COMMD10: variants seen among roughly 807,000 people sequenced by gnomAD.
COMMD10 encodes the protein COMM domain-containing protein 10.
In COMMD10, 33 loss-of-function variants were observed where a neutral mutation model predicts 28.9. That is an observed-to-expected ratio of 1.14 (90% CI 0.87 to 1.53). The LOEUF (loss-of-function observed/expected upper bound fraction) is 1.53, where lower values mean the gene tolerates loss of function less well. COMMD10 is among the 40% of genes most tolerant of loss of function. The pLI is 0.00. For synonymous variants in COMMD10, 110 were observed against 81.7 expected (o/e 1.35, Z -1.87); for missense variants, 310 against 233.4 (o/e 1.33, Z -2.14).
At chr5:116,220,096 G>A (rs569002626) in intron 5 of COMMD10, among the ~76,000 whole-genome samples, 262 of 152,250 alleles carry the variant, frequency 1.7e-3, no homozygotes, top group Non-Finnish European at 2.9e-3. Context: ...AGCTTTCTAT[G>A]ATAGACAATT....
intron 4 of COMMD10, among the ~76,000 whole-genome samples, chr5:116,095,246 A>G (rs1295423407): frequency 2.0e-5 from 3 of 152,202 alleles, no homozygotes; most frequent in Admixed American, 6.5e-5. Flanking sequence ...TGACATGATC[A>G]TTACACAGTC....
chr5:116,262,602 A>G (rs991366654), intron 5 of COMMD10, among the ~76,000 whole-genome samples: 3 of 151,872 alleles, frequency 2.0e-5, no homozygotes, highest in Non-Finnish European at 4.4e-5. Flanking sequence ...AAGTCTACTC[A>G]TTATAAAAGT....
intron 5 of COMMD10, among the ~76,000 whole-genome samples, chr5:116,281,947 T>C (rs1168774236): frequency 2.0e-5 from 3 of 151,834 alleles, no homozygotes; most frequent in Non-Finnish European, 4.4e-5. Flanking sequence ...ATACCTTCTT[T>C]TCCTGGGCAA....
intron 4 of COMMD10, among the ~76,000 whole-genome samples, chr5:116,116,703 ATTTTTTTTTTT>A (rs70978604): frequency 1.6e-5 from 2 of 121,558 alleles, no homozygotes; most frequent in Non-Finnish European, 1.8e-5. Flanking sequence ...AAATGCAGAG[ATTTTTTTTTTT>A]TTTTTTTTTT....
intron 5 of COMMD10, among the ~76,000 whole-genome samples, chr5:116,250,127 A>G (rs1034315370): frequency 6.6e-6 from 1 of 151,910 alleles, no homozygotes; most frequent in South Asian, 2.1e-4. Flanking sequence ...TTTACTTTCA[A>G]ACATCTAGTT....
chr5:116,136,081 TAAAG>T (rs1400347868), intron 5 of COMMD10, among the ~76,000 whole-genome samples: 3 of 152,152 alleles, frequency 2.0e-5, no homozygotes, highest in Non-Finnish European at 2.9e-5. Flanking sequence ...TTGGCTAAAA[TAAAG>T]AAATCAATCC....
In COMMD10 at chr5:116,198,066, C is replaced by A. The variant is rs371326943; in HGVS notation, c.510+63888C>A. On this transcript the variant is annotated intron_variant, in intron 5 of 6. Transcript: ENST00000274458. ...TTTTTCTACATTTATACACACTTCA[C>A]ACATAATTTTTGTTTTTTTAAACCT... is the stretch of plus-strand genomic sequence containing the variant. Among the ~76,000 whole-genome samples the A allele has an allele frequency of 4.6e-5, 7 of 152,296 alleles. No individual in the cohort carries two copies. The East Asian group carries it at 1.2e-3, about 25-fold the overall frequency.
rs781732166 is a variant in COMMD10, at chr5:116,292,489, A to T, written c.609A>T (p.Ter203CysextTer19). 3.2e-6 allele frequency: 5 copies of T among 1,577,100 alleles called. No homozygotes were observed. The highest frequency in any genetic ancestry group is 4.3e-6 in the Non-Finnish European group (5 of 1,161,054). Residue 203 changes from the stop codon to cysteine, a stop_lost, in exon 7 of 7, where the codon TGA (stop) becomes TGT (cysteine). Transcript: ENST00000274458. ...TIQAQLDSLT[*>C] Reference sequence around the variant, plus strand: ...AAGCACAGCTGGATTCCCTTACATGATGTTTTCGAAGACTGTTTTTTTCAT... The same window carrying T: ...AAGCACAGCTGGATTCCCTTACATGTTGTTTTCGAAGACTGTTTTTTTCAT...
chr5:116,091,835 T>G (rs1750306813), intron 3 of COMMD10, among the ~76,000 whole-genome samples: 2 of 152,240 alleles, frequency 1.3e-5, no homozygotes, highest in South Asian at 4.1e-4. Context: ...CATAAATTCC[T>G]GTTGATTAAA....
chr5:116,200,113 G>T (rs1206931250), intron 5 of COMMD10, among the ~76,000 whole-genome samples: 1 of 4,044 alleles, frequency 2.5e-4, no homozygotes, highest in African/African-American at 2.7e-4. Flanking sequence ...TATCCCTTGT[G>T]TTACAAATAA....
At chr5:116,106,524 A>G (rs1402303573) in intron 4 of COMMD10, among the ~76,000 whole-genome samples, 2 of 152,142 alleles carry the variant, frequency 1.3e-5, no homozygotes, top group African/African-American at 4.8e-5. Flanking sequence ...GCTGAGTTCA[A>G]GTCCTGGATA....
chr5:116,265,382 A>G (rs763051840), intron 5 of COMMD10, among the ~76,000 whole-genome samples: 1 of 151,732 alleles, frequency 6.6e-6, no homozygotes, highest in Non-Finnish European at 1.5e-5. Flanking sequence ...CAGAATTGTA[A>G]TCATATTTAG....
intron 5 of COMMD10, among the ~76,000 whole-genome samples, chr5:116,236,198 T>C (rs1749656087): frequency 6.6e-6 from 1 of 151,996 alleles, no homozygotes; most frequent in African/African-American, 2.4e-5. Flanking sequence ...TGGAATATTA[T>C]TCAGTGCTAA....
chr5:116,114,393 G>A (rs1751161077), intron 4 of COMMD10, among the ~76,000 whole-genome samples: 1 of 152,138 alleles, frequency 6.6e-6, no homozygotes, highest in Non-Finnish European at 1.5e-5. Flanking sequence ...GTGCCCTTGT[G>A]TTGGGAGTGA....
chr5:116,152,027 A>C (rs1184912087), intron 5 of COMMD10, among the ~76,000 whole-genome samples: 1 of 152,138 alleles, frequency 6.6e-6, no homozygotes, highest in African/African-American at 2.4e-5. Flanking sequence ...CACTGCTTTG[A>C]ATGTGTCCCA....
intron 5 of COMMD10, among the ~76,000 whole-genome samples, chr5:116,262,850 A>G (rs1240527388): frequency 6.6e-6 from 1 of 151,830 alleles, no homozygotes; most frequent in African/African-American, 2.4e-5. Context: ...TGGTATTTAA[A>G]ATGGCCACTG....
chr5:116,266,425 A>G (rs1271801412), intron 5 of COMMD10, among the ~76,000 whole-genome samples: 5 of 151,708 alleles, frequency 3.3e-5, no homozygotes, highest in African/African-American at 1.2e-4. Context: ...AAGGAATAAC[A>G]TTTATTTCAT....
At chr5:116,283,367 G>T (rs1461578888) in intron 5 of COMMD10, among the ~76,000 whole-genome samples, 4 of 148,616 alleles carry the variant, frequency 2.7e-5, no homozygotes, top group Non-Finnish European at 4.4e-5. Context: ...TTTTTTTTAA[G>T]ACAGTGTCTT....
chr5:116,286,573 G>A (rs1751225316), intron 5 of COMMD10, among the ~76,000 whole-genome samples: 1 of 151,342 alleles, frequency 6.6e-6, no homozygotes, highest in South Asian at 2.1e-4. Flanking sequence ...ACTTTCATTT[G>A]TCTTAAGATA....
Sources: gnomAD v4.1 joint callset for allele counts (sites outside exome capture counted in the v4.1 genomes callset) on GRCh38, gnomAD v4.1.1 for gene constraint, MANE v1.5 for transcripts, NCBI Gene and HGNC (gene_info 2026-07-23, HGNC 2026-07-21) for gene names.